The following SLC41A2 variants were observed in gnomAD, a reference collection of about 807,000 sequenced individuals.
The protein encoded by SLC41A2 is solute carrier family 41 member 2, also known as SLC41A1-like 1.
In SLC41A2, 32 loss-of-function variants were observed where a neutral mutation model predicts 58.3. That is an observed-to-expected ratio of 0.55 (90% confidence interval 0.41 to 0.74). SLC41A2 has a LOEUF of 0.74. Among genes scored for constraint, SLC41A2 ranks in the 30% least tolerant of loss-of-function variants. SLC41A2 has a pLI of 0.00. For synonymous variants in SLC41A2, 190 were observed against 235.0 expected (o/e 0.81, Z 1.75); for missense variants, 514 against 680.6 (o/e 0.76, Z 2.72).
intron 3 of SLC41A2, among the ~76,000 whole-genome samples, chr12:104,900,584 C>A (rs1226242761): frequency 1.3e-5 from 2 of 152,160 alleles, no homozygotes; most frequent in African/African-American, 4.8e-5. Context: ...TTGACTATAA[C>A]AGTTTTCGAT....
intron 1 of SLC41A2, among the ~76,000 whole-genome samples, chr12:104,929,572 G>A (rs185544559): frequency 6.6e-6 from 1 of 152,334 alleles, no homozygotes; most frequent in African/African-American, 2.4e-5. Flanking sequence ...ACACATAACT[G>A]TGGCACATCA....
chr12:104,920,590 C>T (rs937111427), intron 2 of SLC41A2, among the ~76,000 whole-genome samples: 7 of 152,054 alleles, frequency 4.6e-5, no homozygotes, highest in Admixed American at 2.6e-4. Flanking sequence ...ACAGCCTGCA[C>T]AACAAAGCAA....
intron 8 of SLC41A2, among the ~76,000 whole-genome samples, chr12:104,858,423 A>G (rs561564968): frequency 6.6e-6 from 1 of 152,310 alleles, no homozygotes; most frequent in African/African-American, 2.4e-5. Flanking sequence ...TGAGGATTAT[A>G]CGACACAACA....
chr12:104,889,517 C>G (rs1293807460), intron 4 of SLC41A2, among the ~76,000 whole-genome samples: 1 of 152,190 alleles, frequency 6.6e-6, no homozygotes, highest in Non-Finnish European at 1.5e-5. Flanking sequence ...TGAAGTCTGA[C>G]TCTAGAGGTA....
chr12:104,870,419 AAAAC>A (rs908419371), intron 6 of SLC41A2, among the ~76,000 whole-genome samples: 1 of 152,220 alleles, frequency 6.6e-6, no homozygotes. Flanking sequence ...CTGTAAAAAC[AAAAC>A]AAACAAAAAA....
intron 8 of SLC41A2, among the ~76,000 whole-genome samples, chr12:104,853,748 T>C (rs921093959): frequency 6.7e-6 from 1 of 149,524 alleles, no homozygotes; most frequent in Non-Finnish European, 1.5e-5. Flanking sequence ...TGTATGTATG[T>C]ATGTATGTAT....
chr12:104,923,231 G>A (rs923201097), intron 2 of SLC41A2, among the ~76,000 whole-genome samples: 10 of 146,588 alleles, frequency 6.8e-5, no homozygotes, highest in East Asian at 1.9e-4. Context: ...GCGGGGTGGC[G>A]GGCGCCTGTA....
At chr12:104,940,925 ACT>A (rs2047487269) in intron 1 of SLC41A2, among the ~76,000 whole-genome samples, 1 of 124,582 alleles carries the variant, frequency 8.0e-6, no homozygotes, top group African/African-American at 3.1e-5. Flanking sequence ...ACAGAGCAAG[ACT>A]CTGCCTCAAA....
rs189334027 is a variant in SLC41A2, at chr12:104,949,829, T to A, written c.-168+8259A>T. On this transcript the variant is annotated intron_variant, in intron 1 of 10. Transcript: ENST00000258538. ...AACTCCCGACCTCAGGTGATCCGCC[T>A]GCCTCAGCCTCCCAAAGTACTGGGA... is the stretch of plus-strand genomic sequence containing the variant. Among the ~76,000 whole-genome samples, 428 of 152,292 alleles carry A rather than the reference T, an allele frequency of 2.8e-3. 3 individuals carry two copies. The highest frequency in any genetic ancestry group is 5.1e-3 in the Non-Finnish European group (345 of 68,030).
At chr12:104,890,533 A>G (rs2044901464) in intron 4 of SLC41A2, among the ~76,000 whole-genome samples, 1 of 152,234 alleles carries the variant, frequency 6.6e-6, no homozygotes, top group East Asian at 1.9e-4. Flanking sequence ...ATATGTATAT[A>G]TAAATCTGTC....
chr12:104,818,281 A>C (rs1258798071), intron 10 of SLC41A2, among the ~76,000 whole-genome samples: 2 of 152,194 alleles, frequency 1.3e-5, no homozygotes, highest in Non-Finnish European at 2.9e-5. Context: ...CACAGAATAT[A>C]AGTATCATAT....
intron 7 of SLC41A2, 49 bp downstream of exon 7, chr12:104,866,383 C>T (rs780854577): frequency 1.4e-4 from 4 of 29,136 alleles, no homozygotes; most frequent in Non-Finnish European, 2.8e-4. Flanking sequence ...GACAGACGTA[C>T]ACACACACAC....
At chr12:104,859,624 G>A (rs548582144) in intron 8 of SLC41A2, among the ~76,000 whole-genome samples, 2 of 152,138 alleles carry the variant, frequency 1.3e-5, no homozygotes, top group Non-Finnish European at 2.9e-5. Context: ...TTTGTTCATT[G>A]ATATTCTAAA....
chr12:104,942,805 T>C (rs934573314), intron 1 of SLC41A2, among the ~76,000 whole-genome samples: 1 of 152,208 alleles, frequency 6.6e-6, no homozygotes, highest in African/African-American at 2.4e-5. Flanking sequence ...GTTTTATTCT[T>C]ACGTACTCTA....
At chr12:104,900,645 A>G (rs1408126755) in intron 3 of SLC41A2, among the ~76,000 whole-genome samples, 2 of 152,226 alleles carry the variant, frequency 1.3e-5, no homozygotes, top group African/African-American at 4.8e-5. Flanking sequence ...ACTGATGTTT[A>G]TAACTTAAGA....
At chr12:104,917,454 A>G (rs1372140463) in intron 2 of SLC41A2, among the ~76,000 whole-genome samples, 1 of 152,112 alleles carries the variant, frequency 6.6e-6, no homozygotes, top group Non-Finnish European at 1.5e-5. Context: ...ATACCATTTG[A>G]CCCAGCCATC....
chr12:104,881,495 C>T (rs758369200), intron 6 of SLC41A2, among the ~76,000 whole-genome samples: 32 of 152,188 alleles, frequency 2.1e-4, no homozygotes, highest in Non-Finnish European at 4.1e-4. Flanking sequence ...TAAATGTGTC[C>T]CAGAGATTCT....
At position 104,943,942 on chromosome 12, in the gene SLC41A2, G is replaced by A. The variant is rs535351637; in HGVS notation, c.-168+14146C>T. On this transcript the variant is annotated intron_variant, in intron 1 of 10. Transcript: ENST00000258538. ...GAGCACAGCAGGAGGGACAATGATC[G>A]GGATATAAACCCAGGCATTCGAGGC... 5.3e-5 allele frequency among the ~76,000 whole-genome samples: 8 copies of A among 151,768 alleles called. No homozygotes were observed. In the South Asian group the frequency reaches 6.2e-4, roughly 12 times the overall value.
chr12:104,845,131 G>C (rs1391256979), intron 9 of SLC41A2, among the ~76,000 whole-genome samples: 1 of 151,524 alleles, frequency 6.6e-6, no homozygotes, highest in Non-Finnish European at 1.5e-5. Context: ...AAAAAATAAA[G>C]ATAAAAAAAA....
Sources: allele counts gnomAD v4.1 joint callset (sites outside exome capture counted in the v4.1 genomes callset), GRCh38; gene constraint gnomAD v4.1.1; transcripts MANE v1.5; gene names NCBI Gene and HGNC (gene_info 2026-07-23, HGNC 2026-07-21).